The following ARHGAP36 variants were observed in gnomAD, a reference collection of about 807,000 sequenced individuals.
ARHGAP36 encodes the protein Rho GTPase activating protein 36, also known as rho GTPase-activating protein 36.
ARHGAP36 carries 7 observed loss-of-function variants against 32.9 expected under a neutral mutation model. The observed-to-expected ratio is 0.21, with a 90% confidence interval of 0.12 to 0.40. The LOEUF is 0.40. Among genes scored for constraint, ARHGAP36 ranks in the 10% least tolerant of loss-of-function variants. The pLI is 1.00. For missense variants in ARHGAP36, 383 were observed against 442.2 expected (o/e 0.87, Z 1.20); for synonymous variants, 165 against 168.3 (o/e 0.98, Z 0.15).
intron 7 of ARHGAP36, 148 bp downstream of exon 7, chrX:131,085,212 T>G (rs2079827919): frequency 4.2e-6 from 2 of 479,072 alleles, no homozygotes; most frequent in Non-Finnish European, 6.1e-6. Flanking sequence ...CCAGAATATA[T>G]ACAATTATTA....
intron 1 of ARHGAP36, among the ~76,000 whole-genome samples, chrX:131,069,691 T>C (rs767763835): frequency 9.0e-6 from 1 of 111,585 alleles, no homozygotes; most frequent in Non-Finnish European, 1.9e-5. Flanking sequence ...GGGAAATGCC[T>C]GCACCAATGA....
intron 5 of ARHGAP36, 67 bp downstream of exon 5, chrX:131,084,474 G>C: frequency 8.6e-7 from 1 of 1,156,197 alleles, no homozygotes; most frequent in South Asian, 2.0e-5. Flanking sequence ...TTCTGGAAAT[G>C]GGGGGAGAAA....
intron 1 of ARHGAP36, among the ~76,000 whole-genome samples, chrX:131,065,500 G>A (rs766836658): frequency 2.2e-4 from 24 of 111,316 alleles, no homozygotes; most frequent in Non-Finnish European, 3.4e-4. Context: ...GGAGAATGAG[G>A]AGGTGTCAGA....
At chrX:131,079,935 G>A (rs2079786555) in intron 1 of ARHGAP36, among the ~76,000 whole-genome samples, 1 of 111,579 alleles carries the variant, frequency 9.0e-6, no homozygotes, top group East Asian at 2.8e-4. Context: ...CCCTACTCCA[G>A]CCCTAGTGAC....
intron 1 of ARHGAP36, among the ~76,000 whole-genome samples, chrX:131,071,000 A>C (rs1160485645): frequency 9.0e-6 from 1 of 110,616 alleles, no homozygotes; most frequent in Admixed American, 9.7e-5. Flanking sequence ...TCTCACATTA[A>C]AAAGCAAGCG....
intron 2 of ARHGAP36, 48 bp downstream of exon 2, chrX:131,081,966 C>T (rs1272026412): frequency 1.7e-6 from 2 of 1,189,436 alleles, no homozygotes; most frequent in Non-Finnish European, 2.3e-6. Context: ...GGAGAGTGGA[C>T]CCTCCGGGCA....
chrX:131,079,562 G>GTTTTTTTT (rs11417328), intron 1 of ARHGAP36, among the ~76,000 whole-genome samples: 2 of 93,087 alleles, frequency 2.1e-5, no homozygotes, highest in Non-Finnish European at 2.1e-5. Context: ...TTTGTTTTTT[G>GTTTTTTTT]TTTTTTTTTT....
Position 131,084,554 on chromosome X carries a change from G to A in ARHGAP36, c.749-72G>A. On this transcript the variant is annotated intron_variant, in intron 5 of 11. Coordinates refer to ENST00000276211, the MANE Select transcript of ARHGAP36 (RefSeq NM_144967.4). The stretch of plus-strand genomic sequence containing the variant: ...AGTGGAGGTCGCGATGCAGTAGGGG[G>A]TGAGGGGAGAAGAGAAATGCCATGG... 6.0e-6 allele frequency: 7 copies of A among 1,172,508 alleles called. No homozygotes were observed. The South Asian group carries it at 1.1e-4, about 18-fold the overall frequency.
chrX:131,067,348 A>C lies in ARHGAP36; in HGVS notation c.-143+8904A>C, dbSNP rs368601989. 6.2e-5 allele frequency among the ~76,000 whole-genome samples: 7 copies of C among 113,457 alleles called. No individual in the cohort carries two copies. The East Asian group carries it at 1.9e-3, about 32-fold the overall frequency. On this transcript the variant is annotated intron_variant, in intron 1 of 11. Transcript: ENST00000276211. Reference sequence around the variant, plus strand: ...AGAATCTTTCCAGCTTACTCCCACCAGCCCCTGTATCGCGCCCTAGGCGCC... The same window carrying C: ...AGAATCTTTCCAGCTTACTCCCACCCGCCCCTGTATCGCGCCCTAGGCGCC...
chrX:131,058,732 T>C (rs1056674899), intron 1 of ARHGAP36, among the ~76,000 whole-genome samples: 4 of 113,218 alleles, frequency 3.5e-5, no homozygotes, highest in Non-Finnish European at 7.5e-5. Flanking sequence ...GCCAGAGCCT[T>C]GGGGCCAGAC....
chrX:131,066,058 T>A (rs1385764178), intron 1 of ARHGAP36, among the ~76,000 whole-genome samples: 1 of 111,435 alleles, frequency 9.0e-6, no homozygotes. Flanking sequence ...TTCCCCAAAA[T>A]GCGATGTATT....
In ARHGAP36 at chrX:131,084,936, G is replaced by A. The variant is rs751427111; in HGVS notation, c.827G>A (p.Gly276Asp). 8 of 1,210,331 alleles carry A rather than the reference G, an allele frequency of 6.6e-6. No homozygotes were observed. Among genetic ancestry groups the A allele is most frequent in the Non-Finnish European group, 7.8e-6 (7 of 895,304 alleles). ...TAGCTCCGTGAAGAATTTGATCAAG[G>A]TCTGGATGTAGTGCTGGATGACAAT... ...VRQLREEFDQ[G>D]LDVVLDDNQN... Residue 276 changes from glycine (G) to aspartate (D), a missense_variant, in exon 7 of 12, where the codon GGT becomes GAT. Transcript: ENST00000276211.
rs1270186261 is a variant in ARHGAP36, at chrX:131,084,336, T to C, written c.677T>C (p.Met226Thr). 2 of 1,211,666 alleles carry C rather than the reference T, an allele frequency of 1.7e-6. No homozygotes were observed. Among genetic ancestry groups the C allele is most frequent in the South Asian group, 1.8e-5 (1 of 56,926 alleles). ...CGACTTCTGGGATCCAAAAGGAAGA[T>C]GAGTCTCAATCCGATTGCGAAACAA... Reference protein sequence around the residue: ...GQRLLGSKRKMSLNPIAKQIP... With the variant: ...GQRLLGSKRKTSLNPIAKQIP... Residue 226 changes from methionine (M) to threonine (T), a missense_variant, in exon 5 of 12, where the codon ATG becomes ACG. Met to Thr is a moderately conservative substitution (Grantham distance 81). Around this residue, in one of 2 missense-constraint regions of ARHGAP36, gnomAD observed 227 missense variants for 311.3 expected, o/e 0.73. Coordinates refer to ENST00000276211, the MANE Select transcript of ARHGAP36 (RefSeq NM_144967.4).
At position 131,066,527 on chromosome X, in the gene ARHGAP36, G is replaced by A. The variant is rs1440538647; in HGVS notation, c.-143+8083G>A. Among the ~76,000 whole-genome samples, 4 of 112,304 alleles carry A rather than the reference G, an allele frequency of 3.6e-5. No homozygotes were observed. In the East Asian group the frequency reaches 1.1e-3, roughly 31 times the overall value. ...TATCAACAAAGCAGGTAATTAGGTG[G>A]AGAAAGTATCCGCTGTCTGGGAGAC... On this transcript the variant is annotated intron_variant, in intron 1 of 11. Transcript: ENST00000276211.
chrX:131,073,251 G>A (rs1179764274), intron 1 of ARHGAP36, among the ~76,000 whole-genome samples: 2 of 113,093 alleles, frequency 1.8e-5, no homozygotes, highest in African/African-American at 3.2e-5. Flanking sequence ...GCGCCGCAGG[G>A]CTTTGTTTAA....
At chrX:131,081,376 A>T in intron 1 of ARHGAP36, 148 bp from the exon 2 acceptor site, 1 of 387,799 alleles carries the variant, frequency 2.6e-6, no homozygotes, top group Non-Finnish European at 3.7e-6. Context: ...TTTGTTTCAA[A>T]GTGCTTTTGT....
chrX:131,069,523 C>T (rs917958040), intron 1 of ARHGAP36, among the ~76,000 whole-genome samples: 8 of 111,110 alleles, frequency 7.2e-5, no homozygotes, highest in Admixed American at 2.9e-4. Flanking sequence ...CTCCCTCTTT[C>T]CCCCACCCTC....
At chrX:131,081,418 C>G in intron 1 of ARHGAP36, 106 bp from the exon 2 acceptor site, 9 of 574,444 alleles carry the variant, frequency 1.6e-5, no homozygotes, top group East Asian at 1.1e-4. Flanking sequence ...ATTTTTTCTT[C>G]TTATTTTCTC....
intron 1 of ARHGAP36, among the ~76,000 whole-genome samples, chrX:131,069,116 T>C (rs1016844659): frequency 8.9e-6 from 1 of 112,123 alleles, no homozygotes; most frequent in Non-Finnish European, 1.9e-5. Context: ...TTTGCACTTC[T>C]GGTTCTGGCC....
Sources: allele counts gnomAD v4.1 joint callset (sites outside exome capture counted in the v4.1 genomes callset), GRCh38; gene constraint gnomAD v4.1.1; regional missense constraint gnomAD v4.1.1; transcripts MANE v1.5; gene names NCBI Gene and HGNC (gene_info 2026-07-23, HGNC 2026-07-21).